The following FHIT variants were observed in gnomAD, a reference collection of about 807,000 sequenced individuals.
The protein encoded by FHIT is fragile histidine triad diadenosine triphosphatase, also known as bis(5'-adenosyl)-triphosphatase.
In FHIT, 19 loss-of-function variants were observed where a neutral mutation model predicts 17.9. The ratio of observed to expected loss-of-function variants is 1.06; its 90% confidence interval spans 0.74 to 1.56. The LOEUF (loss-of-function observed/expected upper bound fraction) is 1.56, where lower values mean the gene tolerates loss of function less well. Among genes scored for constraint, FHIT ranks in the 40% most tolerant of loss-of-function variants. The probability of loss-of-function intolerance (pLI) is 0.00; values close to 1 mark genes in which losing one functional copy is unlikely to be tolerated. For synonymous variants in FHIT, 81 were observed against 69.7 expected (o/e 1.16, Z -0.81); for missense variants, 248 against 189.2 (o/e 1.31, Z -1.82).
intron 4 of FHIT, among the ~76,000 whole-genome samples, chr3:60,630,951 A>G (rs1200929100): frequency 9.0e-6 from 1 of 111,394 alleles, no homozygotes; most frequent in African/African-American, 3.2e-5. Flanking sequence ...AAAAAAAAAA[A>G]AAAAACACAC....
intron 4 of FHIT, among the ~76,000 whole-genome samples, chr3:60,548,630 G>C (rs374655372): frequency 2.6e-5 from 4 of 152,086 alleles, no homozygotes; most frequent in African/African-American, 7.2e-5. Context: ...CTCAAAATGT[G>C]GTCCTCTAAG....
rs779028404 is a variant in FHIT, at chr3:60,366,251, A to G, written c.103+170609T>C. 2.5e-4 allele frequency among the ~76,000 whole-genome samples: 38 copies of G among 152,130 alleles called. No homozygotes were observed. In the South Asian group the frequency reaches 3.1e-3, roughly 12 times the overall value. Reference sequence around the variant, plus strand: ...AGTGCAGTGGTGCAATCTCAGCTCAATGCAACCTCTGCCTCCTGGGTTCAA... The same window carrying G: ...AGTGCAGTGGTGCAATCTCAGCTCAGTGCAACCTCTGCCTCCTGGGTTCAA... On this transcript the variant is annotated intron_variant, in intron 5 of 9. Transcript: ENST00000492590.
chr3:60,377,319 G>A (rs1340282736), intron 5 of FHIT, among the ~76,000 whole-genome samples: 2 of 151,034 alleles, frequency 1.3e-5, no homozygotes, highest in African/African-American at 2.4e-5. Context: ...GCACCAACAC[G>A]CCCAGCTAAT....
At chr3:60,138,355 T>A (rs1438269130) in intron 5 of FHIT, among the ~76,000 whole-genome samples, 4 of 152,156 alleles carry the variant, frequency 2.6e-5, no homozygotes, top group Admixed American at 6.6e-5. Flanking sequence ...GGGCTAGGAA[T>A]CCAGGTAACA....
chr3:61,091,336 G>T (rs1387151837), intron 2 of FHIT, among the ~76,000 whole-genome samples: 1 of 152,132 alleles, frequency 6.6e-6, no homozygotes, highest in Non-Finnish European at 1.5e-5. Context: ...TCCTGGATTT[G>T]CCTCTTATTA....
At chr3:60,636,208 C>G (rs1014475764) in intron 4 of FHIT, among the ~76,000 whole-genome samples, 1 of 152,034 alleles carries the variant, frequency 6.6e-6, no homozygotes, top group Admixed American at 6.6e-5. Flanking sequence ...GTAGCTGGAA[C>G]TACAGGCATG....
intron 7 of FHIT, among the ~76,000 whole-genome samples, chr3:59,956,795 C>A (rs1707424677): frequency 6.6e-6 from 1 of 152,196 alleles, no homozygotes; most frequent in Admixed American, 6.5e-5. Context: ...GTGTGAAGCA[C>A]TGAAACTACT....
chr3:60,907,104 A>AC (rs1265623845), intron 3 of FHIT, among the ~76,000 whole-genome samples: 1 of 152,136 alleles, frequency 6.6e-6, no homozygotes, highest in Non-Finnish European at 1.5e-5. Flanking sequence ...TCAAAGTATC[A>AC]CCCCACAGAT....
chr3:59,821,188 T>C (rs537775395), intron 8 of FHIT, among the ~76,000 whole-genome samples: 2 of 152,134 alleles, frequency 1.3e-5, no homozygotes, highest in Non-Finnish European at 2.9e-5. Context: ...GCAAGATATT[T>C]GAGGAAGAAA....
chr3:60,114,742 T>G (rs1229799136), intron 5 of FHIT, among the ~76,000 whole-genome samples: 1 of 151,922 alleles, frequency 6.6e-6, no homozygotes, highest in African/African-American at 2.4e-5. Flanking sequence ...AATGCACCTG[T>G]CTCAGCCTCA....
intron 8 of FHIT, among the ~76,000 whole-genome samples, chr3:59,849,793 A>T (rs1358170927): frequency 1.3e-5 from 2 of 152,232 alleles, no homozygotes; most frequent in Non-Finnish European, 1.5e-5. Flanking sequence ...CAGGTATATT[A>T]TAAGAGTAGC....
chr3:61,170,799 A>G (rs1390207178), intron 2 of FHIT, among the ~76,000 whole-genome samples: 1 of 152,062 alleles, frequency 6.6e-6, no homozygotes, highest in African/African-American at 2.4e-5. Flanking sequence ...TTGATTCCAT[A>G]TCTTTGCTAT....
intron 5 of FHIT, among the ~76,000 whole-genome samples, chr3:60,206,171 A>ATTATTATT (rs1553712180): frequency 0.026 from 3,779 of 143,842 alleles, 93 homozygotes; most frequent in African/African-American, 0.051. Context: ...TAATAATAAT[A>ATTATTATT]ATTATAACAC....
At chr3:60,515,626 T>A (rs2035124668) in intron 5 of FHIT, among the ~76,000 whole-genome samples, 1 of 151,660 alleles carries the variant, frequency 6.6e-6, no homozygotes, top group Non-Finnish European at 1.5e-5. Context: ...TTAAGAAAAC[T>A]TGTAGAACAC....
At chr3:59,896,220 G>C (rs756085181) in intron 8 of FHIT, among the ~76,000 whole-genome samples, 1 of 152,166 alleles carries the variant, frequency 6.6e-6, no homozygotes, top group Non-Finnish European at 1.5e-5. Flanking sequence ...TCCCAAGCAA[G>C]CACAGTGCCT....
chr3:59,925,088 AT>A (rs1438763075), intron 7 of FHIT, among the ~76,000 whole-genome samples: 1 of 110,824 alleles, frequency 9.0e-6, no homozygotes, highest in South Asian at 2.8e-4. Context: ...CCTCCTTCCT[AT>A]TTTTTTCCCT....
chr3:61,126,321 G>C (rs1393361346), intron 2 of FHIT, among the ~76,000 whole-genome samples: 2 of 152,116 alleles, frequency 1.3e-5, no homozygotes, highest in Non-Finnish European at 1.5e-5. Flanking sequence ...AATTGTATTA[G>C]TCCATTTTCA....
chr3:60,845,255 T>G (rs1553746124), intron 3 of FHIT, among the ~76,000 whole-genome samples: 3 of 152,038 alleles, frequency 2.0e-5, no homozygotes, highest in East Asian at 3.8e-4. Context: ...AAATAAAATT[T>G]TTTTTGTGAT....
At chr3:61,174,347 G>C (rs1247811626) in intron 2 of FHIT, among the ~76,000 whole-genome samples, 1 of 152,166 alleles carries the variant, frequency 6.6e-6, no homozygotes, top group Non-Finnish European at 1.5e-5. Context: ...CAATTATACT[G>C]CAATGCTGAG....
Sources: allele counts gnomAD v4.1 joint callset (sites outside exome capture counted in the v4.1 genomes callset), GRCh38; gene constraint gnomAD v4.1.1; transcripts MANE v1.5; gene names NCBI Gene and HGNC (gene_info 2026-07-23, HGNC 2026-07-21).